Variants in BCOR observed in about 807,000 individuals in gnomAD.
The protein encoded by BCOR is BCL-6 corepressor.
BCOR carries 10 observed loss-of-function variants against 86.7 expected under a neutral mutation model. That is an observed-to-expected ratio of 0.12 (90% CI 0.07 to 0.20). The LOEUF is 0.20. Ranked by LOEUF, BCOR falls within the 10% of genes least tolerant of loss-of-function variation. The probability of loss-of-function intolerance (pLI) is 1.00; values close to 1 mark genes in which losing one functional copy is unlikely to be tolerated. For missense variants in BCOR, 1,259 were observed against 1,452.1 expected (o/e 0.87, Z 2.16); for synonymous variants, 611 against 609.0 (o/e 1.00, Z -0.05).
chrX:40,115,181 G>A (rs1349491254), intron 1 of BCOR, among the ~76,000 whole-genome samples: 2 of 110,878 alleles, frequency 1.8e-5, no homozygotes, highest in African/African-American at 6.6e-5. Flanking sequence ...GTGTGGCTAC[G>A]GGGATTCTAC....
chrX:40,063,245 T>G (rs193035487), intron 8 of BCOR, among the ~76,000 whole-genome samples, 174 bp from the exon 9 acceptor site: 119 of 112,687 alleles, frequency 1.1e-3, no homozygotes, highest in African/African-American at 3.7e-3. Flanking sequence ...AATATTTTAA[T>G]TATACCACAT....
chrX:40,055,247 C>G, intron 12 of BCOR, 121 bp downstream of exon 12: 1 of 720,733 alleles, frequency 1.4e-6, no homozygotes, highest in South Asian at 2.3e-5. Context: ...CACTCGGCTG[C>G]TCTCCTAAAA....
At chrX:40,174,780 C>T (rs974555539) in intron 1 of BCOR, among the ~76,000 whole-genome samples, 3 of 112,993 alleles carry the variant, frequency 2.7e-5, no homozygotes, top group African/African-American at 9.6e-5. Context: ...CCCCGCACCT[C>T]CTGAGCATAC....
At chrX:40,095,590 A>AG (rs1457041240) in intron 1 of BCOR, among the ~76,000 whole-genome samples, 3 of 111,981 alleles carry the variant, frequency 2.7e-5, no homozygotes, top group Admixed American at 9.4e-5. Flanking sequence ...AAACGAAAAA[A>AG]GGGGGGGAAA....
intron 1 of BCOR, among the ~76,000 whole-genome samples, chrX:40,125,607 G>A (rs144508748): frequency 9.0e-6 from 1 of 111,629 alleles, no homozygotes; most frequent in Non-Finnish European, 1.9e-5. Flanking sequence ...CCATGGAAAT[G>A]TATCATCCAG....
intron 1 of BCOR, among the ~76,000 whole-genome samples, chrX:40,169,063 C>T (rs1304218775): frequency 1.8e-5 from 2 of 112,619 alleles, no homozygotes; most frequent in African/African-American, 6.5e-5. Context: ...TTAGTTTCTG[C>T]CATTCAGTAC....
chrX:40,122,908 G>A (rs989525440), intron 1 of BCOR, among the ~76,000 whole-genome samples: 1 of 111,548 alleles, frequency 9.0e-6, no homozygotes, highest in African/African-American at 3.3e-5. Context: ...TCACACTGTC[G>A]CTACCCACCA....
At chrX:40,147,317 CA>C (rs1225570397) in intron 1 of BCOR, among the ~76,000 whole-genome samples, 2 of 112,611 alleles carry the variant, frequency 1.8e-5, no homozygotes, top group Admixed American at 1.9e-4. Context: ...CAAAACAAAA[CA>C]AAAAAACCCT....
In BCOR at chrX:40,074,338, C is replaced by T. The variant is rs759420433; in HGVS notation, c.1008G>A (p.Ser336=). ...GGTGGACTCGGGGTGACGGCCGAGG[C>T]GAGGGGGGCAACAGGAGAGCTGTGT... ...PGDTALLLPP[S]PRPSPRVHLP... The change falls in exon 4 of 15, where the codon TCG becomes TCA. Residue 336 remains serine (S), a synonymous_variant. Coordinates refer to ENST00000378444, the MANE Select transcript of BCOR (RefSeq NM_001123385.2). The T allele has an allele frequency of 8.3e-6, 10 of 1,210,092 alleles. No individual in the cohort carries two copies. Among genetic ancestry groups the T allele is most frequent in the Middle Eastern group, 2.3e-4 (1 of 4,376 alleles).
At chrX:40,103,746 G>T (rs1300734455) in intron 1 of BCOR, among the ~76,000 whole-genome samples, 1 of 110,572 alleles carries the variant, frequency 9.0e-6, no homozygotes, top group East Asian at 2.8e-4. Context: ...GTGTTTTTTA[G>T]CAATTAAGGC....
At chrX:40,127,110 G>A (rs1937553386) in intron 1 of BCOR, among the ~76,000 whole-genome samples, 1 of 112,012 alleles carries the variant, frequency 8.9e-6, no homozygotes, top group African/African-American at 3.2e-5. Flanking sequence ...TCTCTTCCTC[G>A]AGGATCTGAG....
intron 1 of BCOR, among the ~76,000 whole-genome samples, chrX:40,176,699 T>C (rs1341793815): frequency 1.8e-5 from 2 of 110,002 alleles, no homozygotes; most frequent in Non-Finnish European, 3.8e-5. Flanking sequence ...CGCTCCGGGC[T>C]CGGGGAGCCG....
At chrX:40,065,866 T>C (rs763244918) in intron 6 of BCOR, among the ~76,000 whole-genome samples, 52 of 108,516 alleles carry the variant, frequency 4.8e-4, no homozygotes, top group Non-Finnish European at 9.4e-4. Flanking sequence ...CCCAACCCAC[T>C]TCAAATATTA....
intron 1 of BCOR, among the ~76,000 whole-genome samples, chrX:40,162,157 C>G (rs916453225): frequency 8.9e-6 from 1 of 112,000 alleles, no homozygotes; most frequent in Admixed American, 9.5e-5. Flanking sequence ...CCCAAGAAAC[C>G]CTTTTGACCT....
intron 1 of BCOR, among the ~76,000 whole-genome samples, chrX:40,167,557 A>T (rs745306124): frequency 8.9e-6 from 1 of 112,832 alleles, no homozygotes; most frequent in South Asian, 3.6e-4. Context: ...GTCTCTTCGC[A>T]CCACTGTTTC....
Position 40,074,202 on chromosome X carries a change from C to T in BCOR, c.1144G>A (p.Glu382Lys), listed in dbSNP as rs2147251205. The T allele has an allele frequency of 2.5e-6, 3 of 1,212,138 alleles. No homozygotes were observed. The highest frequency in any genetic ancestry group is 3.0e-5 in the East Asian group (1 of 33,843). ...TTGGAGAGCCTGGCCGCGGGGAACT[C>T]GCTGCTAACTGTCATGTATGGCTTT... ...LSKPYMTVSS[E>K]FPAARLSNGK... The change falls in exon 4 of 15, where the codon GAG becomes AAG. Residue 382 changes from glutamate to lysine, a missense_variant. Glu to Lys is a moderately conservative substitution (Grantham distance 56). Around this residue, in one of 7 missense-constraint regions of BCOR, gnomAD observed 534 missense variants for 594.8 expected, o/e 0.90. Coordinates refer to ENST00000378444, the MANE Select transcript of BCOR (RefSeq NM_001123385.2).
intron 1 of BCOR, among the ~76,000 whole-genome samples, chrX:40,153,308 C>A (rs763025040): frequency 8.9e-6 from 1 of 112,746 alleles, no homozygotes; most frequent in African/African-American, 3.2e-5. Context: ...CCAGGGGGCA[C>A]CCCCACCCTC....
intron 1 of BCOR, among the ~76,000 whole-genome samples, chrX:40,083,827 C>T (rs1416480439): frequency 8.9e-6 from 1 of 112,185 alleles, no homozygotes; most frequent in East Asian, 2.8e-4. Context: ...GGCGGCCCGA[C>T]CTTCCCAGTT....
In BCOR at chrX:40,129,862, G is replaced by A. The variant is rs190003408; in HGVS notation, c.-41+47145C>T. On this transcript the variant is annotated intron_variant, in intron 1 of 14. Transcript: ENST00000342274. The stretch of plus-strand genomic sequence containing the variant: ...TCGAGACCAGCCTGGACAACATGAC[G>A]AAACCCCGTCTCTACCAAAAATACA... 8.0e-3 allele frequency among the ~76,000 whole-genome samples: 885 copies of A among 110,494 alleles called. 9 individuals are homozygous for A. Among genetic ancestry groups the A allele is most frequent in the African/African-American group, 0.028 (839 of 30,338 alleles).
Sources: gnomAD v4.1 joint callset for allele counts (sites outside exome capture counted in the v4.1 genomes callset) on GRCh38, gnomAD v4.1.1 for gene constraint, gnomAD v4.1.1 regional missense constraint, MANE v1.5 for transcripts, NCBI Gene and HGNC (gene_info 2026-07-23, HGNC 2026-07-21) for gene names.